CENPF: variants seen among roughly 807,000 people sequenced by gnomAD.
The protein encoded by CENPF is AH antigen.
In CENPF, 214 loss-of-function variants were observed where a neutral mutation model predicts 307.3. The observed-to-expected ratio is 0.70, with a 90% confidence interval of 0.62 to 0.78. CENPF has a LOEUF of 0.78. CENPF is among the 30% of genes least tolerant of loss of function. The pLI is 0.00. For synonymous variants in CENPF, 1,259 were observed against 1,270.6 expected, an observed-to-expected ratio of 0.99 and a Z score of 0.19; for missense variants, 3,401 against 3,483.9, an observed-to-expected ratio of 0.98 and a Z score of 0.60.
intron 16 of CENPF, 29 bp from the exon 17 acceptor site, chr1:214,655,212 T>C (rs1558191369): frequency 6.8e-7 from 1 of 1,472,134 alleles, no homozygotes; most frequent in Admixed American, 2.2e-5. Context: ...AAATTCAAGG[T>C]TTTAAATGGA....
chr1:214,645,727 G>A lies in CENPF; in HGVS notation c.6157G>A (p.Glu2053Lys). 6.2e-7 allele frequency: 1 copy of A among 1,614,158 alleles called. No homozygotes were observed. The highest frequency in any genetic ancestry group is 8.5e-7 in the Non-Finnish European group (1 of 1,180,022). ...DSQALSLTKC[E>K]LENQIAQLNK... ...ACAGGCACTGTCTTTGACAAAATGT[G>A]AGCTGGAAAACCAAATTGCACAACT... The change falls in exon 13 of 20, where the codon GAG (glutamate) becomes AAG (lysine). Residue 2053 changes from glutamate (E) to lysine (K), a missense_variant. Coordinates refer to ENST00000366955, the MANE Select transcript of CENPF (RefSeq NM_016343.4).
chr1:214,661,303 A>G (rs1169122181), intron 19 of CENPF, among the ~76,000 whole-genome samples: 1 of 152,194 alleles, frequency 6.6e-6, no homozygotes, highest in African/African-American at 2.4e-5. Context: ...AACTCTTCAA[A>G]ACCTAGCCCA....
intron 5 of CENPF, among the ~76,000 whole-genome samples, chr1:214,620,043 C>CAA (rs74945063): frequency 6.6e-6 from 1 of 151,586 alleles, no homozygotes; most frequent in Non-Finnish European, 1.5e-5. Flanking sequence ...CTTCCTATGG[C>CAA]AAAAAAAAGT....
At position 214,641,400 on chromosome 1, in the gene CENPF, A is replaced by G; in HGVS notation, c.3062A>G (p.Glu1021Gly). The G allele has an allele frequency of 6.3e-7, 1 of 1,578,460 alleles. No homozygotes were observed. Among genetic ancestry groups the G allele is most frequent in the African/African-American group, 1.4e-5 (1 of 72,600 alleles). Reference protein sequence around the residue: ...ISELSDQYKQEKLILLQRCEE... With the variant: ...ISELSDQYKQGKLILLQRCEE... ...GAGTTATCTGATCAGTACAAGCAAG[A>G]AAAACTTATTTTACTACAAAGATGT... Residue 1021 changes from glutamate (E) to glycine (G), a missense_variant, in exon 12 of 20, where the codon GAA becomes GGA. By Grantham distance (98) the Glu-to-Gly change is moderately conservative. Transcript: ENST00000366955.
At chr1:214,608,839 A>G (rs1012238174) in intron 1 of CENPF, 11 of 1,568,444 alleles carry the variant, frequency 7.0e-6, no homozygotes, top group African/African-American at 1.4e-5. Context: ...CAGCCCGTTC[A>G]TGGCGGGCGC....
At chr1:214,620,300 A>G (rs1657469895) in intron 5 of CENPF, among the ~76,000 whole-genome samples, 1 of 152,208 alleles carries the variant, frequency 6.6e-6, no homozygotes, top group Non-Finnish European at 1.5e-5. Context: ...AGGGGGAGGT[A>G]ACCAAGGACA....
At chr1:214,606,983 C>A (rs1377593730) in intron 1 of CENPF, among the ~76,000 whole-genome samples, 2 of 152,264 alleles carry the variant, frequency 1.3e-5, no homozygotes, top group African/African-American at 4.8e-5. Context: ...GGCATTCGGA[C>A]TCCACCAGCA....
intron 1 of CENPF, chr1:214,606,101 C>A: frequency 1.3e-6 from 2 of 1,581,472 alleles, no homozygotes; most frequent in South Asian, 1.1e-5. Flanking sequence ...GGAGCAGGGT[C>A]AGCCGCGGCC....
At position 214,614,859 on chromosome 1, in the gene CENPF, A is replaced by G. The variant is rs981159309; in HGVS notation, c.190A>G (p.Asn64Asp). ...KVENEKTEGT[N>D]LKRENQRLME... ...TGAAAATGAAAAAACCGAGGGTACA[A>G]ACCTGAAAAGGGAGAATCAAAGATT... Residue 64 changes from asparagine (N) to aspartate (D), a missense_variant, in exon 3 of 20, where the codon AAC becomes GAC. Transcript: ENST00000366955. 1.3e-6 allele frequency: 2 copies of G among 1,599,582 alleles called. No individual in the cohort carries two copies. The highest frequency in any genetic ancestry group is 2.2e-5 in the East Asian group (1 of 44,566).
chr1:214,616,007 A>T (rs1271093881), intron 3 of CENPF, among the ~76,000 whole-genome samples: 2 of 152,164 alleles, frequency 1.3e-5, no homozygotes, highest in South Asian at 2.1e-4. Context: ...AATGCATTGC[A>T]GAAACTTATT....
intron 14 of CENPF, among the ~76,000 whole-genome samples, chr1:214,649,713 A>G (rs1024058847): frequency 2.0e-5 from 3 of 152,180 alleles, no homozygotes; most frequent in African/African-American, 7.2e-5. Context: ...AGTTCCTCTG[A>G]ATGATATTTG....
chr1:214,657,530 T>C (rs1261444182), intron 18 of CENPF, 121 bp downstream of exon 18: 1 of 706,154 alleles, frequency 1.4e-6, no homozygotes, highest in Non-Finnish European at 2.3e-6. Context: ...TCATTGACGT[T>C]CATAAGCAAT....
chr1:214,647,042 A>G lies in CENPF; in HGVS notation c.7472A>G (p.Glu2491Gly). Residue 2491 changes from glutamate (E) to glycine (G), a missense_variant, in exon 13 of 20, where the codon GAG (glutamate) becomes GGG (glycine). Transcript: ENST00000366955. The stretch of plus-strand genomic sequence containing the variant: ...GCTCAGTTGCTACAAGGCCTTGATG[A>G]GGCCAAAAATAATTATATTGTTTTG... ...EKAQLLQGLD[E>G]AKNNYIVLQS... The G allele has an allele frequency of 6.2e-7, 1 of 1,614,046 alleles. No homozygotes were observed. The highest frequency in any genetic ancestry group is 8.5e-7 in the Non-Finnish European group (1 of 1,179,982).
chr1:214,625,313 C>T (rs1326196641), intron 7 of CENPF, among the ~76,000 whole-genome samples: 2 of 152,082 alleles, frequency 1.3e-5, no homozygotes, highest in East Asian at 3.9e-4. Flanking sequence ...CTCCCAGGTT[C>T]AAGTGATTCT....
chr1:214,625,815 A>G (rs1657639519), intron 7 of CENPF, among the ~76,000 whole-genome samples: 1 of 152,090 alleles, frequency 6.6e-6, no homozygotes, highest in Admixed American at 6.5e-5. Flanking sequence ...TCATTTCACT[A>G]GTTCTAGTGA....
In CENPF at chr1:214,659,869, T is replaced by C. The variant is rs918649246; in HGVS notation, c.9141+841T>C. 6.6e-6 allele frequency among the ~76,000 whole-genome samples: 1 copy of C among 152,192 alleles called. No individual in the cohort carries two copies. Among genetic ancestry groups the C allele is most frequent in the African/African-American group, 2.4e-5 (1 of 41,444 alleles). ...CTAGGGGGATATTTTTGGAAGTTGC[T>C]GGAATAGCTTCAAAGAGTTTGAACA... is the stretch of plus-strand genomic sequence containing the variant. On this transcript the variant is annotated intron_variant, in intron 19 of 19. Coordinates refer to ENST00000366955, the MANE Select transcript of CENPF (RefSeq NM_016343.4). The surrounding 1 kb of genome is among the most constrained non-coding windows in gnomAD (Gnocchi z 4.4).
chr1:214,628,591 A>T (rs6669573), intron 7 of CENPF, among the ~76,000 whole-genome samples: 12,740 of 152,206 alleles, frequency 0.084, 772 homozygotes, highest in African/African-American at 0.16. Context: ...TTTACAGGCA[A>T]GCGCCACCAC....
intron 1 of CENPF, chr1:214,605,998 G>A (rs1657017334): frequency 1.9e-6 from 3 of 1,597,008 alleles, no homozygotes; most frequent in Non-Finnish European, 8.5e-7. Context: ...CGGCACACTC[G>A]TAGCGCGAGG....
Position 214,614,970 on chromosome 1 carries a change from G to A in CENPF, c.301G>A (p.Glu101Lys). The A allele has an allele frequency of 1.2e-6, 2 of 1,610,062 alleles. No homozygotes were observed. The highest frequency in any genetic ancestry group is 1.7e-6 in the Non-Finnish European group (2 of 1,178,748). ...QVKESQVNFQ[E>K]GQLNSGKKQI... ...CAAGGAGTCACAAGTGAATTTCCAG[G>A]AAGGACAACTGAATTCAGGCAAAAA... The change falls in exon 3 of 20, where the codon GAA becomes AAA. Residue 101 changes from glutamate to lysine, a missense_variant. Physicochemically the swap from Glu to Lys is moderately conservative, Grantham distance 56. Transcript: ENST00000366955.
Sources: allele counts gnomAD v4.1 joint callset (sites outside exome capture counted in the v4.1 genomes callset), GRCh38; gene constraint gnomAD v4.1.1; non-coding constraint Gnocchi (gnomAD v3.1); transcripts MANE v1.5; gene names NCBI Gene and HGNC (gene_info 2026-07-23, HGNC 2026-07-21).